ADTRP: variants seen among roughly 807,000 people sequenced by gnomAD.
The protein encoded by ADTRP is androgen dependent TFPI regulating protein.
In ADTRP, 20 loss-of-function variants were observed where a neutral mutation model predicts 27.0. The observed-to-expected ratio is 0.74, with a 90% CI of 0.52 to 1.08. The LOEUF is 1.08. Among genes scored for constraint, ADTRP ranks in the 50% least tolerant of loss-of-function variants. The probability of loss-of-function intolerance (pLI) is 0.00; values close to 1 mark genes in which losing one functional copy is unlikely to be tolerated. For missense variants in ADTRP, 251 were observed against 275.0 expected (o/e 0.91, Z 0.62); for synonymous variants, 101 against 105.2 (o/e 0.96, Z 0.25).
intron 3 of ADTRP, among the ~76,000 whole-genome samples, chr6:11,759,379 C>T (rs990995814): frequency 6.6e-6 from 1 of 152,160 alleles, no homozygotes; most frequent in Non-Finnish European, 1.5e-5. Context: ...CTTCTCTGAC[C>T]AGCCATTCTG....
intron 3 of ADTRP, among the ~76,000 whole-genome samples, chr6:11,748,328 C>T (rs1160372214): frequency 6.6e-6 from 1 of 152,212 alleles, no homozygotes; most frequent in Non-Finnish European, 1.5e-5. Flanking sequence ...GCCTCTAATG[C>T]TTCTTGGCCC....
chr6:11,727,339 C>T (rs1214842679), intron 4 of ADTRP, among the ~76,000 whole-genome samples: 1 of 150,246 alleles, frequency 6.7e-6, no homozygotes, highest in African/African-American at 2.5e-5. Context: ...TTAAGATATG[C>T]GTTCCATGGA....
chr6:11,770,424 G>A (rs1763732975), intron 1 of ADTRP, among the ~76,000 whole-genome samples: 1 of 152,098 alleles, frequency 6.6e-6, no homozygotes, highest in African/African-American at 2.4e-5. Flanking sequence ...GCCCTCCTGT[G>A]GAACAAGATT....
Position 11,723,333 on chromosome 6 carries a change from A to G in ADTRP, c.658+16T>C. 1.2e-6 allele frequency: 2 copies of G among 1,612,552 alleles called. No homozygotes were observed. The highest frequency in any genetic ancestry group is 1.7e-6 in the Non-Finnish European group (2 of 1,179,508). On this transcript the variant is annotated intron_variant, in intron 5 of 5. Transcript: ENST00000414691. ...CGGAAGAAGCGCATCTGTAGCTAAG[A>G]AAGAAATACACTGACCCCATTTCCA... is the stretch of plus-strand genomic sequence containing the variant.
intron 3 of ADTRP, among the ~76,000 whole-genome samples, chr6:11,737,658 G>A (rs1031538681): frequency 6.6e-6 from 1 of 152,222 alleles, no homozygotes; most frequent in African/African-American, 2.4e-5. Flanking sequence ...TGGGTGAAGA[G>A]GACCTCTCAG....
chr6:11,759,010 T>G (rs1487402548), intron 3 of ADTRP, among the ~76,000 whole-genome samples: 6 of 152,194 alleles, frequency 3.9e-5, no homozygotes, highest in Admixed American at 3.9e-4. Flanking sequence ...AGAATATGAT[T>G]GAGGCCAATA....
intron 3 of ADTRP, among the ~76,000 whole-genome samples, chr6:11,739,891 T>C (rs746884020): frequency 6.6e-5 from 10 of 152,164 alleles, no homozygotes; most frequent in African/African-American, 2.4e-4. Context: ...ACTCTTATCC[T>C]AAGTTTCCTG....
At chr6:11,716,186 T>C (rs945316242) in intron 5 of ADTRP, among the ~76,000 whole-genome samples, 10 of 152,236 alleles carry the variant, frequency 6.6e-5, no homozygotes, top group Non-Finnish European at 1.3e-4. Flanking sequence ...GCAGTCACTC[T>C]GAGGATTCCT....
chr6:11,759,277 T>C (rs1763326397), intron 3 of ADTRP, among the ~76,000 whole-genome samples: 1 of 152,192 alleles, frequency 6.6e-6, no homozygotes, highest in South Asian at 2.1e-4. Flanking sequence ...AAAACCTGAA[T>C]TTGACACTGT....
chr6:11,770,244 G>A (rs1025908601), intron 1 of ADTRP, among the ~76,000 whole-genome samples: 2 of 152,206 alleles, frequency 1.3e-5, no homozygotes, highest in Non-Finnish European at 2.9e-5. Flanking sequence ...AGATTCTAAT[G>A]TAATCAGTCT....
chr6:11,735,771 C>T (rs1042061213), intron 3 of ADTRP, 88 bp from the exon 4 acceptor site: 4 of 857,308 alleles, frequency 4.7e-6, no homozygotes, highest in Non-Finnish European at 5.8e-6. Flanking sequence ...TCCAGTCTAC[C>T]TCTTACACAC....
At chr6:11,733,773 C>T (rs1287270394) in intron 4 of ADTRP, among the ~76,000 whole-genome samples, 1 of 152,178 alleles carries the variant, frequency 6.6e-6, no homozygotes, top group Non-Finnish European at 1.5e-5. Flanking sequence ...GCATTTCTTT[C>T]TCCAACATCC....
intron 3 of ADTRP, among the ~76,000 whole-genome samples, chr6:11,749,316 T>A (rs375124678): frequency 2.6e-5 from 4 of 152,280 alleles, no homozygotes; most frequent in African/African-American, 9.6e-5. Context: ...TATAATATAA[T>A]ACAATATATT....
rs1288867586 is a variant in ADTRP, at chr6:11,713,632, A to C, written c.*846T>G. The C allele has an allele frequency of 6.6e-6, 1 of 152,222 alleles. No individual in the cohort carries two copies. Among genetic ancestry groups the C allele is most frequent in the Non-Finnish European group, 1.5e-5 (1 of 68,044 alleles). 9.4% of individuals were successfully genotyped at this position (152,222 alleles called of 1,614,324 possible). A position where few individuals can be genotyped will look rare whatever the true frequency, so the allele number is the denominator to read the frequency against. ...GCAAAGCAATCTCAACAGCCCTTATAATTCTATCACTTCCCATCCAGATTC... is the reference window on the plus strand; with the variant it reads ...GCAAAGCAATCTCAACAGCCCTTATCATTCTATCACTTCCCATCCAGATTC... On this transcript the variant is annotated 3_prime_UTR_variant, in exon 6 of 6. Coordinates refer to ENST00000414691, the MANE Select transcript of ADTRP (RefSeq NM_032744.4).
At chr6:11,717,267 G>T (rs561256981) in intron 5 of ADTRP, 11 of 1,300,586 alleles carry the variant, frequency 8.5e-6, no homozygotes, top group Admixed American at 2.3e-5. Flanking sequence ...CTGTCAGATA[G>T]TAGCAAGGGC....
At chr6:11,745,650 C>A (rs1033818718) in intron 3 of ADTRP, among the ~76,000 whole-genome samples, 1 of 152,208 alleles carries the variant, frequency 6.6e-6, no homozygotes, top group East Asian at 1.9e-4. Context: ...TTGTGACATT[C>A]CCAAGCTGTA....
chr6:11,766,228 A>T (rs1397592173), intron 3 of ADTRP, 46 bp downstream of exon 3: 2 of 1,439,294 alleles, frequency 1.4e-6, no homozygotes, highest in African/African-American at 1.4e-5. Flanking sequence ...TTTTCAGTAC[A>T]GAGGCTATTG....
intron 3 of ADTRP, among the ~76,000 whole-genome samples, chr6:11,736,901 G>A (rs1406573878): frequency 1.3e-5 from 2 of 152,110 alleles, no homozygotes; most frequent in East Asian, 3.9e-4. Flanking sequence ...GGGTATGCGT[G>A]AGCCTCCCTC....
chr6:11,766,278 G>A lies in ADTRP; in HGVS notation c.386C>T (p.Ala129Val). The change falls in exon 3 of 6, where the codon GCA becomes GTA. Residue 129 changes from alanine to valine, a missense_variant. Ala to Val is a moderately conservative substitution (Grantham distance 64). Transcript: ENST00000414691. Reference sequence around the variant, plus strand: ...CTGAATTTTCCCCTCACTCACCATTGCATGATTCAGCCACACGGGGATGAC... The same window carrying A: ...CTGAATTTTCCCCTCACTCACCATTACATGATTCAGCCACACGGGGATGAC... ...DTVIPVWLNH[A>V]MHTFIFPITL... 1.2e-6 allele frequency: 2 copies of A among 1,608,822 alleles called. No homozygotes were observed. Among genetic ancestry groups the A allele is most frequent in the Non-Finnish European group, 1.7e-6 (2 of 1,176,658 alleles).
Sources: gnomAD v4.1 joint callset for allele counts (sites outside exome capture counted in the v4.1 genomes callset) on GRCh38, gnomAD v4.1.1 for gene constraint, MANE v1.5 for transcripts, NCBI Gene and HGNC (gene_info 2026-07-23, HGNC 2026-07-21) for gene names.